POU2F2: variants seen among roughly 807,000 people sequenced by gnomAD.
POU2F2 encodes POU domain, class 2, transcription factor 2.
In POU2F2, 14 loss-of-function variants were observed where a neutral mutation model predicts 63.5. The observed-to-expected ratio is 0.22, with a 90% CI of 0.15 to 0.34. The LOEUF (loss-of-function observed/expected upper bound fraction) is 0.34, where lower values mean the gene tolerates loss of function less well. POU2F2 is among the 10% of genes least tolerant of loss of function. The probability of loss-of-function intolerance (pLI) is 1.00; values close to 1 mark genes in which losing one functional copy is unlikely to be tolerated. For synonymous variants in POU2F2, 306 were observed against 348.6 expected (o/e 0.88, Z 1.36); for missense variants, 607 against 815.2 (o/e 0.74, Z 3.11).
In POU2F2 at chr19:42,132,402, A is replaced by T. The variant is rs559684969; in HGVS notation, c.10T>A (p.Ser4Thr). The T allele has an allele frequency of 6.4e-7, 1 of 1,555,242 alleles. No homozygotes were observed. Among genetic ancestry groups the T allele is most frequent in the African/African-American group, 1.4e-5 (1 of 70,272 alleles). Reference protein sequence around the residue: MVHSSMGAPEIRMS... With the variant: MVHTSMGAPEIRMS... ...CCCTTACCTGGAGCCCCCATGCTGG[A>T]GTGAACCATGCTGCCCGCCCCGCCA... The change falls in exon 1 of 15, where the codon TCC becomes ACC. Residue 4 changes from serine (S) to threonine (T), a missense_variant. Coordinates refer to ENST00000692977, the MANE Select transcript of POU2F2 (RefSeq NM_001394376.1).
intron 5 of POU2F2, among the ~76,000 whole-genome samples, chr19:42,101,271 A>AC (rs2077131544): frequency 1.4e-5 from 2 of 145,374 alleles, no homozygotes; most frequent in Admixed American, 1.4e-4. Context: ...ACTCCCTGCC[A>AC]CCCCCCAAAA....
intron 11 of POU2F2, among the ~76,000 whole-genome samples, chr19:42,094,218 T>G (rs534610992): frequency 7.2e-4 from 109 of 152,262 alleles, no homozygotes; most frequent in African/African-American, 2.5e-3. Flanking sequence ...ATATTGTTGG[T>G]TCTGCAAAAC....
chr19:42,149,411 T>C (rs2034296662), intron 2 of POU2F2, among the ~76,000 whole-genome samples: 1 of 151,752 alleles, frequency 6.6e-6, no homozygotes, highest in South Asian at 2.1e-4. Flanking sequence ...GGAGGGGAGA[T>C]GAACCAAGAG....
intron 7 of POU2F2, among the ~76,000 whole-genome samples, chr19:42,098,863 C>CG (rs1185182259): frequency 6.6e-6 from 1 of 152,186 alleles, no homozygotes; most frequent in Non-Finnish European, 1.5e-5. Flanking sequence ...AGAAAGGCCT[C>CG]GGGGTCCAGG....
intron 11 of POU2F2, among the ~76,000 whole-genome samples, chr19:42,094,273 T>C (rs1053000918): frequency 2.0e-5 from 3 of 152,118 alleles, no homozygotes; most frequent in Non-Finnish European, 4.4e-5. Context: ...CTTTTACCAG[T>C]GGGGTTGGCA....
Position 42,091,355 on chromosome 19 carries a change from A to T in POU2F2, c.1777T>A (p.Ser593Thr). Residue 593 changes from serine to threonine, a missense_variant, in exon 15 of 15, where the codon TCT (serine) becomes ACT (threonine). Physicochemically the swap from Ser to Thr is moderately conservative, Grantham distance 58. Around this residue, in one of 7 missense-constraint regions of POU2F2, gnomAD observed 270 missense variants for 307.5 expected, o/e 0.88. Transcript: ENST00000692977. ...SKSPGLSSSS[S>T]SSSSSSSSTC... ...GAGGAGGAGGAGGATGAGGATGAAG[A>T]GGATGAGGAGGAGAGGCCAGGAGAC... 1 of 1,537,660 alleles carries T rather than the reference A, an allele frequency of 6.5e-7. No homozygotes were observed. Among genetic ancestry groups the T allele is most frequent in the Non-Finnish European group, 8.7e-7 (1 of 1,146,800 alleles).
chr19:42,181,850 T>C (rs916619276), intron 1 of POU2F2, among the ~76,000 whole-genome samples: 1 of 152,130 alleles, frequency 6.6e-6, no homozygotes, highest in African/African-American at 2.4e-5. Context: ...CCTCCCAAAG[T>C]GCTGGGATTA....
In POU2F2 at chr19:42,092,224, T is replaced by C; in HGVS notation, c.1311A>G (p.Thr437=). 2 of 1,561,658 alleles carry C rather than the reference T, an allele frequency of 1.3e-6. No homozygotes were observed. The highest frequency in any genetic ancestry group is 1.7e-6 in the Non-Finnish European group (2 of 1,150,380). The change falls in exon 13 of 15, where the codon ACA becomes ACG. Residue 437 remains threonine, a synonymous_variant. Transcript: ENST00000692977. This position sits in a 1 kb window ranked among gnomAD's most constrained non-coding sequence, Gnocchi z 5.0. ...SAVGTLHPSR[T]AGGGGGGGGA... ...CGCCCCCGCCCCCACCCCCTCCAGCTGTCCGGCTGGGGTGGAGCGTCCCCA... is the reference window on the plus strand; with the variant it reads ...CGCCCCCGCCCCCACCCCCTCCAGCCGTCCGGCTGGGGTGGAGCGTCCCCA...
In POU2F2 at chr19:42,153,628, A is replaced by C. The variant is rs932807122; in HGVS notation, c.-9+6704T>G. 3.3e-5 allele frequency among the ~76,000 whole-genome samples: 5 copies of C among 151,960 alleles called. No homozygotes were observed. Among genetic ancestry groups the C allele is most frequent in the African/African-American group, 1.2e-4 (5 of 41,360 alleles). ...TGTGTACTGGAAGCAGGTTCTCCTCATGAGTGTCGGAGAGTCCATGCGGTT... is the reference window on the plus strand; with the variant it reads ...TGTGTACTGGAAGCAGGTTCTCCTCCTGAGTGTCGGAGAGTCCATGCGGTT... On this transcript the variant is annotated intron_variant, in intron 2 of 6. Coordinates refer to the POU2F2 transcript ENST00000524801. The surrounding 1 kb of genome is among the most constrained non-coding windows in gnomAD (Gnocchi z 5.6).
chr19:42,181,867 T>G (rs1175378322), intron 1 of POU2F2, among the ~76,000 whole-genome samples: 2 of 152,336 alleles, frequency 1.3e-5, no homozygotes, highest in African/African-American at 4.8e-5. Context: ...ATTACAGGCG[T>G]GAGCCAACAC....
intron 4 of POU2F2, among the ~76,000 whole-genome samples, chr19:42,118,884 G>A (rs1027001450): frequency 1.3e-5 from 2 of 152,224 alleles, no homozygotes; most frequent in African/African-American, 4.8e-5. Context: ...TGTGTTGGCA[G>A]GGGGGTGATA....
intron 5 of POU2F2, among the ~76,000 whole-genome samples, chr19:42,104,406 A>C (rs1192642999): frequency 6.6e-6 from 1 of 151,902 alleles, no homozygotes; most frequent in African/African-American, 2.4e-5. Context: ...TGACCTCTCT[A>C]GAAGGCTATT....
At position 42,096,324 on chromosome 19, in the gene POU2F2, G is replaced by GC; in HGVS notation, c.568-82dup. ...GCGATGGGTGCACAGTCCCCCTCCC[G>GC]CCCTCTTCGCCCCTGCGTTCCATCC... On this transcript the variant is annotated intron_variant, in intron 7 of 14. Coordinates refer to ENST00000692977, the MANE Select transcript of POU2F2 (RefSeq NM_001394376.1). The surrounding 1 kb of genome is among the most constrained non-coding windows in gnomAD (Gnocchi z 4.1). 3.7e-6 allele frequency: 5 copies of GC among 1,349,736 alleles called. No homozygotes were observed. The highest frequency in any genetic ancestry group is 4.9e-6 in the Non-Finnish European group (5 of 1,014,992). 83.6% of individuals were successfully genotyped at this position (1,349,736 alleles called of 1,614,324 possible).
At chr19:42,118,809 T>C (rs866996067) in intron 4 of POU2F2, among the ~76,000 whole-genome samples, 19 of 152,316 alleles carry the variant, frequency 1.2e-4, no homozygotes, top group Middle Eastern at 3.4e-3. Flanking sequence ...TTCAGCCTGA[T>C]AGCCCAACAC....
chr19:42,105,505 C>T (rs2077303307), intron 5 of POU2F2, among the ~76,000 whole-genome samples: 1 of 152,156 alleles, frequency 6.6e-6, no homozygotes, highest in Non-Finnish European at 1.5e-5. Flanking sequence ...TCCTGTTCCT[C>T]CCTAGCATGA....
rs2034446633 is a variant in POU2F2 at position 42,155,812 on chromosome 19, C to G, written c.-9+4520G>C. The G allele has an allele frequency of 6.6e-6, 1 of 152,018 alleles. No homozygotes were observed. Among genetic ancestry groups the G allele is most frequent in the African/African-American group, 2.4e-5 (1 of 41,264 alleles). The allele number at this position is 152,018 out of a possible 1,614,324, so 9.4% of individuals were successfully genotyped here. On this transcript the variant is annotated intron_variant, in intron 2 of 6. Coordinates refer to the POU2F2 transcript ENST00000524801. The surrounding 1 kb of genome is among the most constrained non-coding windows in gnomAD (Gnocchi z 4.2). The stretch of plus-strand genomic sequence containing the variant: ...CAACACTCAACACAGAGATCCAGCT[C>G]AGAAAAAAAGGAGCTGACCAGGGAG...
intron 2 of POU2F2, among the ~76,000 whole-genome samples, chr19:42,142,439 C>T (rs1353333194): frequency 1.3e-5 from 2 of 152,152 alleles, no homozygotes; most frequent in Non-Finnish European, 2.9e-5. Flanking sequence ...ATCCTCCTGC[C>T]TGGGCCTCCC....
At chr19:42,197,679 G>A (rs1360782104), upstream of POU2F2, among the ~76,000 whole-genome samples, 2 of 152,172 alleles carry the variant, frequency 1.3e-5, no homozygotes, top group African/African-American at 4.8e-5. Context: ...TGGAGCCACA[G>A]AACAGCAGGA....
At chr19:42,097,750 G>C (rs2076978448) in intron 7 of POU2F2, among the ~76,000 whole-genome samples, 1 of 152,180 alleles carries the variant, frequency 6.6e-6, no homozygotes, top group Non-Finnish European at 1.5e-5. Context: ...TGAGGCTGCA[G>C]TAAGCTGTGA....
Sources: allele counts gnomAD v4.1 joint callset (sites outside exome capture counted in the v4.1 genomes callset), GRCh38; gene constraint gnomAD v4.1.1; regional missense constraint gnomAD v4.1.1; non-coding constraint Gnocchi (gnomAD v3.1); transcripts MANE v1.5; gene names NCBI Gene and HGNC (gene_info 2026-07-23, HGNC 2026-07-21).